The following ERBB4 variants were observed in gnomAD, a reference collection of about 807,000 sequenced individuals.
ERBB4 encodes erb-b2 receptor tyrosine kinase 4.
A neutral mutation model predicts 158.0 loss-of-function variants in ERBB4; 42 were observed. The observed-to-expected ratio is 0.27, with a 90% CI of 0.21 to 0.34. The LOEUF (loss-of-function observed/expected upper bound fraction) is 0.34, where lower values mean the gene tolerates loss of function less well. Ranked by LOEUF, ERBB4 falls within the 10% of genes least tolerant of loss-of-function variation. The probability of loss-of-function intolerance (pLI) is 1.00; values close to 1 mark genes in which losing one functional copy is unlikely to be tolerated. For missense variants in ERBB4, 1,333 were observed against 1,624.1 expected (o/e 0.82, Z 3.08); for synonymous variants, 583 against 558.7 (o/e 1.04, Z -0.61).
intron 1 of ERBB4, among the ~76,000 whole-genome samples, chr2:212,169,470 G>A (rs1041655454): frequency 3.9e-5 from 6 of 152,030 alleles, no homozygotes; most frequent in Admixed American, 6.6e-5. Context: ...GCAGAAAATC[G>A]AAACTGGATT....
chr2:212,458,926 T>C (rs1688437345), intron 1 of ERBB4, among the ~76,000 whole-genome samples: 1 of 152,188 alleles, frequency 6.6e-6, no homozygotes, highest in Admixed American at 6.6e-5. Context: ...AGCACAGGCA[T>C]ATTATAGGCA....
chr2:211,391,523 G>A (rs1473428232), intron 25 of ERBB4, among the ~76,000 whole-genome samples: 2 of 152,120 alleles, frequency 1.3e-5, no homozygotes, highest in African/African-American at 2.4e-5. Context: ...GTGATACTGA[G>A]TTTGTTCCTG....
chr2:211,683,786 T>C (rs1026468924), intron 12 of ERBB4, among the ~76,000 whole-genome samples: 2 of 151,726 alleles, frequency 1.3e-5, no homozygotes, highest in Non-Finnish European at 2.9e-5. Context: ...TCTAGAGTGA[T>C]TGTACCATTT....
chr2:212,446,591 G>GTGTATATATATATATATATATATA (rs2092355369), intron 1 of ERBB4, among the ~76,000 whole-genome samples: 1 of 27,518 alleles, frequency 3.6e-5, no homozygotes, highest in Non-Finnish European at 5.9e-5. Context: ...ATATATATAT[G>GTGTATATATATATATATATATATA]TATATATATA....
chr2:212,003,700 T>G (rs922711580), intron 2 of ERBB4, among the ~76,000 whole-genome samples: 1 of 152,218 alleles, frequency 6.6e-6, no homozygotes, highest in African/African-American at 2.4e-5. Context: ...TGATTAAACA[T>G]TAACTTGAAT....
intron 1 of ERBB4, among the ~76,000 whole-genome samples, chr2:212,365,969 C>G (rs182969480): frequency 1.3e-5 from 2 of 151,866 alleles, no homozygotes; most frequent in East Asian, 3.9e-4. Flanking sequence ...AGAAAAATAT[C>G]AAATATCAAC....
intron 2 of ERBB4, among the ~76,000 whole-genome samples, chr2:211,953,729 G>A (rs2080945835): frequency 6.6e-6 from 1 of 151,972 alleles, no homozygotes; most frequent in Non-Finnish European, 1.5e-5. Context: ...TTAAAGCCTT[G>A]AATGCTTCAA....
intron 1 of ERBB4, among the ~76,000 whole-genome samples, chr2:212,310,801 C>T (rs890646513): frequency 7.3e-5 from 11 of 150,560 alleles, no homozygotes; most frequent in Middle Eastern, 3.4e-3. Flanking sequence ...CCAGTTCATA[C>T]AGCACCAGTG....
In ERBB4 at chr2:211,921,121, C is replaced by T. The variant is rs182983331; in HGVS notation, c.421+26309G>A. Among the ~76,000 whole-genome samples, 523 of 152,132 alleles carry T rather than the reference C, an allele frequency of 3.4e-3. 1 individual carries two copies. Among genetic ancestry groups the T allele is most frequent in the Non-Finnish European group, 6.8e-3 (459 of 67,890 alleles). Reference sequence around the variant, plus strand: ...ATCTTGCTGTATCTTTATGCATATTCAATTTCCCAATAAACACTATCACTT... The same window carrying T: ...ATCTTGCTGTATCTTTATGCATATTTAATTTCCCAATAAACACTATCACTT... On this transcript the variant is annotated intron_variant, in intron 3 of 27. Coordinates refer to ENST00000342788, the MANE Select transcript of ERBB4 (RefSeq NM_005235.3).
chr2:211,935,998 C>T (rs753724929), intron 3 of ERBB4, among the ~76,000 whole-genome samples: 1 of 152,046 alleles, frequency 6.6e-6, no homozygotes, highest in Non-Finnish European at 1.5e-5. Flanking sequence ...GGCAAGTCAT[C>T]AAAACCAAAG....
At chr2:211,716,076 T>C (rs1286518198) in intron 7 of ERBB4, among the ~76,000 whole-genome samples, 1 of 152,278 alleles carries the variant, frequency 6.6e-6, no homozygotes. Flanking sequence ...AGAAGCTGAA[T>C]GTCCGACCGG....
chr2:212,075,026 A>C (rs2078233026), intron 2 of ERBB4, among the ~76,000 whole-genome samples: 1 of 151,938 alleles, frequency 6.6e-6, no homozygotes, highest in African/African-American at 2.4e-5. Context: ...AATCAAACCC[A>C]AGTATTAGTT....
chr2:212,319,266 G>A (rs1048404177), intron 1 of ERBB4, among the ~76,000 whole-genome samples: 3 of 138,190 alleles, frequency 2.2e-5, no homozygotes, highest in African/African-American at 7.5e-5. Flanking sequence ...TGATAGTAAG[G>A]AACAAATACA....
At chr2:211,437,582 G>A (rs79230362) in intron 20 of ERBB4, among the ~76,000 whole-genome samples, 5,179 of 152,216 alleles carry the variant, frequency 0.034, 114 homozygotes, top group Middle Eastern at 0.071. Context: ...GGAAGCTAAA[G>A]GAAGTCAAGA....
At chr2:211,653,480 C>A (rs1056950888) in intron 16 of ERBB4, among the ~76,000 whole-genome samples, 1 of 147,452 alleles carries the variant, frequency 6.8e-6, no homozygotes, top group Non-Finnish European at 1.5e-5. Flanking sequence ...CGCACCCGCC[C>A]CCCCCCACGC....
At chr2:212,305,655 G>T (rs2086784897) in intron 1 of ERBB4, among the ~76,000 whole-genome samples, 3 of 151,270 alleles carry the variant, frequency 2.0e-5, no homozygotes, top group Admixed American at 6.6e-5. Context: ...AAAATATTAT[G>T]ACTTCATTTG....
At chr2:211,517,361 T>C (rs1240714838) in intron 20 of ERBB4, among the ~76,000 whole-genome samples, 1 of 152,138 alleles carries the variant, frequency 6.6e-6, no homozygotes, top group Non-Finnish European at 1.5e-5. Context: ...ATAAGTGACA[T>C]CTTTCACTTT....
At chr2:211,940,520 G>T (rs1307598300) in intron 3 of ERBB4, among the ~76,000 whole-genome samples, 1 of 152,066 alleles carries the variant, frequency 6.6e-6, no homozygotes, top group Admixed American at 6.6e-5. Context: ...AAGGTTTAAG[G>T]TTCCAAGTAG....
intron 2 of ERBB4, among the ~76,000 whole-genome samples, chr2:212,085,855 G>GTTA (rs3037278): frequency 0.85 from 128,243 of 151,586 alleles, 55,829 homozygotes; most frequent in East Asian, 1. Flanking sequence ...AAATAAAGTT[G>GTTA]TTATTAGCCT....
Sources: gnomAD v4.1 joint callset for allele counts (sites outside exome capture counted in the v4.1 genomes callset) on GRCh38, gnomAD v4.1.1 for gene constraint, MANE v1.5 for transcripts, NCBI Gene and HGNC (gene_info 2026-07-23, HGNC 2026-07-21) for gene names.